The following ARL17A variants were observed in gnomAD, a reference collection of about 807,000 sequenced individuals.
The protein encoded by ARL17A is ADP-ribosylation factor-like 17-like.
chr17:46,533,243 C>A (rs1339914616), intron 4 of ARL17A, among the ~76,000 whole-genome samples: 2 of 98,240 alleles, frequency 2.0e-5, no homozygotes, highest in African/African-American at 5.2e-5. Flanking sequence ...CATAGTGAGA[C>A]CCTATCTCTA....
chr17:46,542,124 TAA>T (rs147322148), intron 3 of ARL17A, among the ~76,000 whole-genome samples: 1 of 133,230 alleles, frequency 7.5e-6, no homozygotes, highest in African/African-American at 3.1e-5. Flanking sequence ...GGACTCTGTC[TAA>T]AAAAAAAAGT....
chr17:46,532,372 G>A lies in ARL17A; in HGVS notation c.336-3513C>T, dbSNP rs1335775120. Reference sequence around the variant, plus strand: ...CTACATTCATAAGAAATACTGGTCTGTAATTTTTTGTGTGTGATGTCTTTA... The same window carrying A: ...CTACATTCATAAGAAATACTGGTCTATAATTTTTTGTGTGTGATGTCTTTA... On this transcript the variant is annotated intron_variant, in intron 4 of 4. Coordinates refer to the ARL17A transcript ENST00000329240. Among the ~76,000 whole-genome samples, 14 of 150,480 alleles carry A rather than the reference G, an allele frequency of 9.3e-5. 2 individuals carry two copies. In the East Asian group the frequency reaches 2.7e-3, roughly 29 times the overall value.
At chr17:46,530,520 G>A (rs1049314776) in intron 4 of ARL17A, among the ~76,000 whole-genome samples, 8 of 67,262 alleles carry the variant, frequency 1.2e-4, no homozygotes, top group Non-Finnish European at 2.4e-4. Flanking sequence ...GACTCACTCT[G>A]ATCTTGGTCA....
chr17:46,545,794 C>CT (rs1179643938), intron 3 of ARL17A, among the ~76,000 whole-genome samples: 1 of 148,356 alleles, frequency 6.7e-6, no homozygotes, highest in Non-Finnish European at 1.5e-5. Flanking sequence ...CCAATGCAGT[C>CT]TTTGTTATTT....
chr17:46,569,046 G>C (rs2057621660), intron 3 of ARL17A, among the ~76,000 whole-genome samples: 1 of 133,292 alleles, frequency 7.5e-6, no homozygotes, highest in Non-Finnish European at 1.6e-5. Flanking sequence ...GGGTTCAAGA[G>C]AATCTCCTGT....
At chr17:46,568,945 T>C (rs1256081757) in intron 3 of ARL17A, among the ~76,000 whole-genome samples, 32 of 116,088 alleles carry the variant, frequency 2.8e-4, no homozygotes, top group South Asian at 1.1e-3. Flanking sequence ...TTTTTCTCTT[T>C]TTTTTTTTTT....
chr17:46,502,197 C>T, the ARL17A span, among the ~76,000 whole-genome samples: 16 of 151,240 alleles, frequency 1.1e-4, no homozygotes, highest in Non-Finnish European at 1.3e-4. Context: ...AAATGTTCTA[C>T]AAGTTAATAG....
chr17:46,551,259 C>T (rs1478537315), downstream of ARL17A, among the ~76,000 whole-genome samples: 2 of 149,464 alleles, frequency 1.3e-5, no homozygotes, highest in Non-Finnish European at 2.9e-5. Flanking sequence ...GTGCCCATTC[C>T]TGGAGCTTGC....
chr17:46,525,602 T>TATA (rs61094611), downstream of ARL17A, among the ~76,000 whole-genome samples: 36,600 of 101,410 alleles, frequency 0.36, 7,663 homozygotes, highest in East Asian at 0.76. Flanking sequence ...ATAATAATAA[T>TATA]ATAATAATAA....
At chr17:46,558,425 C>A (rs1259042203) in intron 3 of ARL17A, among the ~76,000 whole-genome samples, 22 of 110,300 alleles carry the variant, frequency 2.0e-4, no homozygotes, top group Non-Finnish European at 3.6e-4. Flanking sequence ...CAGTCTCTGT[C>A]ACCCAGGCTG....
At chr17:46,544,969 T>C in intron 3 of ARL17A, among the ~76,000 whole-genome samples, 1 of 140,670 alleles carries the variant, frequency 7.1e-6, no homozygotes, top group Middle Eastern at 3.5e-3. Flanking sequence ...AGTTGTCTTG[T>C]AAATTGTCCC....
downstream of ARL17A, chr17:46,549,015 G>A (rs368573638): frequency 5.5e-5 from 89 of 1,612,270 alleles, 6 homozygotes; most frequent in African/African-American, 9.2e-4. Flanking sequence ...TTACAAATAC[G>A]AAGACGTCTA....
rs62073320 is a variant in ARL17A, at chr17:46,533,579, G to A, written c.336-4720C>T. 6.9e-3 allele frequency among the ~76,000 whole-genome samples: 763 copies of A among 110,004 alleles called. 3 individuals are homozygous for A. The highest frequency in any genetic ancestry group is 0.016 in the Middle Eastern group (3 of 182). 72.2% of individuals were successfully genotyped at this position (110,004 alleles called of 152,430 possible). A position where few individuals can be genotyped will look rare whatever the true frequency, so the allele number is the denominator to read the frequency against. ...TGCAGTGGCACAATCTTTACTCGCCGCAACCTCTGCCTCCCAGGTTCAAGC... is the reference window on the plus strand; with the variant it reads ...TGCAGTGGCACAATCTTTACTCGCCACAACCTCTGCCTCCCAGGTTCAAGC... On this transcript the variant is annotated intron_variant, in intron 4 of 4. Coordinates refer to the ARL17A transcript ENST00000329240.
intron 3 of ARL17A, chr17:46,558,893 G>GT (rs2057453765): frequency 1.0e-5 from 1 of 99,862 alleles, no homozygotes; most frequent in East Asian, 3.3e-4. Context: ...GCCCAGGCTG[G>GT]TTTTGAACTC....
chr17:46,551,308 C>G (rs2056792065), downstream of ARL17A, among the ~76,000 whole-genome samples: 5 of 150,114 alleles, frequency 3.3e-5, no homozygotes. Flanking sequence ...ATTACTTTTC[C>G]CAACAGGCCA....
chr17:46,549,125 A>G (rs772714726), downstream of ARL17A: 4 of 1,611,734 alleles, frequency 2.5e-6, no homozygotes, highest in African/African-American at 5.5e-5. Flanking sequence ...AAGGTCAGAA[A>G]GAAAAGTTAT....
chr17:46,533,899 C>T, intron 4 of ARL17A, among the ~76,000 whole-genome samples: 1 of 109,580 alleles, frequency 9.1e-6, no homozygotes, highest in Non-Finnish European at 1.7e-5. Flanking sequence ...TCTAGAATAT[C>T]TTAATTTCTC....
At chr17:46,501,589 A>G in the ARL17A span, among the ~76,000 whole-genome samples, 1 of 151,208 alleles carries the variant, frequency 6.6e-6, no homozygotes, top group East Asian at 1.9e-4. Flanking sequence ...CAAACTGCCT[A>G]TTTGGAACTC....
chr17:46,540,598 T>TA (rs537940033), intron 3 of ARL17A, among the ~76,000 whole-genome samples: 5,786 of 115,186 alleles, frequency 0.05, 2 homozygotes, highest in Non-Finnish European at 0.065. Context: ...AAGATAATGG[T>TA]AAAAAAAAAA....
Sources: allele counts gnomAD v4.1 joint callset (sites outside exome capture counted in the v4.1 genomes callset), GRCh38; gene constraint gnomAD v4.1.1; transcripts MANE v1.5; gene names NCBI Gene and HGNC (gene_info 2026-07-23, HGNC 2026-07-21).